OSBPL10: variants seen among roughly 807,000 people sequenced by gnomAD.
OSBPL10 encodes oxysterol-binding protein-related protein 10.
A neutral mutation model predicts 81.7 loss-of-function variants in OSBPL10; 49 were observed. The ratio of observed to expected loss-of-function variants is 0.60; its 90% CI spans 0.48 to 0.76. OSBPL10 has a LOEUF of 0.76. Ranked by LOEUF, OSBPL10 falls within the 30% of genes least tolerant of loss-of-function variation. The pLI, the probability that OSBPL10 is intolerant of heterozygous loss-of-function variation, is 0.00. For synonymous variants in OSBPL10, 419 were observed against 383.6 expected, an observed-to-expected ratio of 1.09 and a Z score of -1.08; for missense variants, 923 against 987.8, an observed-to-expected ratio of 0.93 and a Z score of 0.88.
rs146910983 is a variant in OSBPL10, at chr3:31,894,741, C to G, written c.282-14911G>C. On this transcript the variant is annotated intron_variant, in intron 1 of 11. Transcript: ENST00000396556. ...GCTCTGCCACTGATTGATTAGCGGT[C>G]TGAAACCAGGTGTGGCAGAGACAGA... Among the ~76,000 whole-genome samples, 44 of 152,300 alleles carry G rather than the reference C, an allele frequency of 2.9e-4. No homozygotes were observed. The East Asian group carries it at 7.3e-3, about 25-fold the overall frequency.
intron 1 of OSBPL10, among the ~76,000 whole-genome samples, chr3:31,922,403 G>A (rs1696942736): frequency 6.6e-6 from 1 of 152,166 alleles, no homozygotes; most frequent in Non-Finnish European, 1.5e-5. Context: ...CAGATCACCT[G>A]AGGTCAGGAG....
chr3:31,759,252 C>T (rs1697967000), intron 4 of OSBPL10, among the ~76,000 whole-genome samples: 1 of 152,106 alleles, frequency 6.6e-6, no homozygotes, highest in Admixed American at 6.6e-5. Flanking sequence ...GCCTCATATG[C>T]TATAATTTAT....
chr3:31,739,377 C>T (rs1697275161), intron 5 of OSBPL10, among the ~76,000 whole-genome samples: 1 of 152,200 alleles, frequency 6.6e-6, no homozygotes, highest in South Asian at 2.1e-4. Context: ...ACCCTAATCT[C>T]CATCCTATCA....
chr3:31,808,995 C>T (rs1575558483), intron 4 of OSBPL10, among the ~76,000 whole-genome samples: 1 of 152,140 alleles, frequency 6.6e-6, no homozygotes, highest in Admixed American at 6.5e-5. Flanking sequence ...CACATACATC[C>T]ATATGTACTC....
At chr3:31,729,695 C>T (rs753366577) in intron 6 of OSBPL10, among the ~76,000 whole-genome samples, 17 of 151,902 alleles carry the variant, frequency 1.1e-4, no homozygotes, top group Non-Finnish European at 2.4e-4. Context: ...CTGGGATTAC[C>T]GGCATGAGCC....
rs1700721667 is a variant in OSBPL10, at chr3:31,683,842, G to A, written c.1518C>T (p.Arg506=). 6.2e-7 allele frequency: 1 copy of A among 1,614,132 alleles called. No homozygotes were observed. Among genetic ancestry groups the A allele is most frequent in the Admixed American group, 1.7e-5 (1 of 60,014 alleles). ...GGTGTTCGTGACAGCTGGCAGGAGA[G>A]CGGGAAGCAGTCCTCTTAGGCTTGA... is the stretch of plus-strand genomic sequence containing the variant. ...DRVKPKRTAS[R]SPASCHEHPM... is the part of the protein sequence containing the mutation. The change falls in exon 8 of 12, where the codon CGC becomes CGT. Residue 506 remains arginine, a synonymous_variant. Coordinates refer to ENST00000396556, the MANE Select transcript of OSBPL10 (RefSeq NM_017784.5).
chr3:31,830,066 A>G lies in OSBPL10; in HGVS notation c.703T>C (p.Ser235Pro). Residue 235 changes from serine (S) to proline (P), a missense_variant, in exon 4 of 12, where the codon TCC (serine) becomes CCC (proline). Ser to Pro is a moderately conservative substitution (Grantham distance 74). Coordinates refer to ENST00000396556, the MANE Select transcript of OSBPL10 (RefSeq NM_017784.5). ...TCTCTGACTTCGTGAAGCTGGCCGGAATACTGACTCTTGGCTCTTCGGGCG... is the reference window on the plus strand; with the variant it reads ...TCTCTGACTTCGTGAAGCTGGCCGGGATACTGACTCTTGGCTCTTCGGGCG... ...AAARRAKSQY[S>P]GQLHEVREMM... is the part of the protein sequence containing the mutation. The G allele has an allele frequency of 6.2e-7, 1 of 1,613,692 alleles. No homozygotes were observed. Among genetic ancestry groups the G allele is most frequent in the Non-Finnish European group, 8.5e-7 (1 of 1,179,954 alleles).
intron 4 of OSBPL10, among the ~76,000 whole-genome samples, chr3:31,760,426 A>G (rs972627242): frequency 2.0e-5 from 3 of 152,246 alleles, no homozygotes; most frequent in South Asian, 4.1e-4. Flanking sequence ...AGCTCCCTAC[A>G]TAAAAAGATA....
intron 3 of OSBPL10, among the ~76,000 whole-genome samples, chr3:31,867,731 G>A (rs531935951): frequency 1.2e-4 from 15 of 124,448 alleles, no homozygotes; most frequent in Non-Finnish European, 2.3e-4. Flanking sequence ...CGCAGAGTAA[G>A]ACAAGAAGAA....
At chr3:32,015,062 C>T (rs1038142381) in intron 2 of OSBPL10, among the ~76,000 whole-genome samples, 4 of 152,194 alleles carry the variant, frequency 2.6e-5, no homozygotes, top group Non-Finnish European at 5.9e-5. Context: ...ATCAAGCTAC[C>T]AATGACTTTC....
intron 6 of OSBPL10, among the ~76,000 whole-genome samples, chr3:31,730,112 G>A (rs974495337): frequency 6.6e-6 from 1 of 152,190 alleles, no homozygotes; most frequent in Non-Finnish European, 1.5e-5. Context: ...GGAGGTCAAG[G>A]CAGGCAGATC....
intron 1 of OSBPL10, chr3:31,907,037 T>G (rs1696427685): frequency 6.6e-6 from 1 of 152,174 alleles, no homozygotes. Flanking sequence ...CATAATTTAT[T>G]GAAAGGTCTC....
intron 4 of OSBPL10, among the ~76,000 whole-genome samples, chr3:31,792,858 CTCTGTGTGTG>C (rs1457508559): frequency 5.7e-4 from 49 of 86,042 alleles, no homozygotes; most frequent in African/African-American, 8.6e-4. Flanking sequence ...TATCTAGGCA[CTCTGTGTGTG>C]TGTGTGTGTG....
chr3:31,947,397 G>C (rs1407436357), intron 1 of OSBPL10, among the ~76,000 whole-genome samples: 1 of 152,114 alleles, frequency 6.6e-6, no homozygotes, highest in South Asian at 2.1e-4. Flanking sequence ...CATCACTAAG[G>C]CTGAAAAATT....
At chr3:31,859,967 A>G (rs772539445) in intron 3 of OSBPL10, among the ~76,000 whole-genome samples, 3 of 152,164 alleles carry the variant, frequency 2.0e-5, no homozygotes, top group Admixed American at 1.3e-4. Context: ...GGAGATTGCC[A>G]TGTAGGACTT....
Position 31,683,921 on chromosome 3 carries a change from T to C in OSBPL10, c.1439A>G (p.Asn480Ser), listed in dbSNP as rs752815174. The C allele has an allele frequency of 1.4e-5, 22 of 1,614,024 alleles. No homozygotes were observed. Among genetic ancestry groups the C allele is most frequent in the African/African-American group, 4.0e-5 (3 of 74,906 alleles). ...GTGAAATGTCTCGCCTATGATGGGGTTGTAGGGCTTCTTGGCTAAAGCGCC... is the reference window on the plus strand; with the variant it reads ...GTGAAATGTCTCGCCTATGATGGGGCTGTAGGGCTTCTTGGCTAAAGCGCC... ...RKGALAKKPY[N>S]PIIGETFHCS... The change falls in exon 8 of 12, where the codon AAC becomes AGC. Residue 480 changes from asparagine (N) to serine (S), a missense_variant. By Grantham distance (46) the Asn-to-Ser change is conservative. Coordinates refer to ENST00000396556, the MANE Select transcript of OSBPL10 (RefSeq NM_017784.5).
chr3:31,757,306 G>C (rs573752777), intron 4 of OSBPL10, among the ~76,000 whole-genome samples: 1 of 152,150 alleles, frequency 6.6e-6, no homozygotes, highest in East Asian at 1.9e-4. Flanking sequence ...CTTATAAAAA[G>C]GGGAAATTTG....
At chr3:31,752,272 CA>C (rs1463545841) in intron 4 of OSBPL10, among the ~76,000 whole-genome samples, 1 of 152,082 alleles carries the variant, frequency 6.6e-6, no homozygotes, top group African/African-American at 2.4e-5. Flanking sequence ...CAAGGCACAC[CA>C]ACATTAATCA....
At chr3:32,002,286 A>C (rs1673567448) in intron 2 of OSBPL10, among the ~76,000 whole-genome samples, 1 of 152,196 alleles carries the variant, frequency 6.6e-6, no homozygotes, top group African/African-American at 2.4e-5. Flanking sequence ...ACTCTGAAAA[A>C]GCCTACAAAG....
Sources: gnomAD v4.1 joint callset for allele counts (sites outside exome capture counted in the v4.1 genomes callset) on GRCh38, gnomAD v4.1.1 for gene constraint, MANE v1.5 for transcripts, NCBI Gene and HGNC (gene_info 2026-07-23, HGNC 2026-07-21) for gene names.